The following CAMKK2 variants were observed in gnomAD, a reference collection of about 807,000 sequenced individuals.
The protein encoded by CAMKK2 is calcium/calmodulin dependent protein kinase kinase 2.
CAMKK2 carries 30 observed loss-of-function variants against 67.2 expected under a neutral mutation model. The observed-to-expected ratio is 0.45, with a 90% CI of 0.33 to 0.61. The LOEUF (loss-of-function observed/expected upper bound fraction) is 0.61. Among genes scored for constraint, CAMKK2 ranks in the 20% least tolerant of loss-of-function variants. CAMKK2 has a pLI of 0.02. For missense variants in CAMKK2, 643 were observed against 802.0 expected (o/e 0.80, Z 2.39); for synonymous variants, 322 against 326.2 (o/e 0.99, Z 0.14).
In CAMKK2 at chr12:121,245,140, G is replaced by A. The variant is rs150968495; in HGVS notation, c.1553C>T (p.Thr518Ile). The change falls in exon 15 of 17, where the codon ACC becomes ATC. Residue 518 changes from threonine to isoleucine, a missense_variant and splice_region_variant. By Grantham distance (89) the Thr-to-Ile change is moderately conservative. Around this residue, in one of 3 missense-constraint regions of CAMKK2, gnomAD observed 140 missense variants for 124.2 expected, o/e 1.13. Coordinates refer to ENST00000404169, the MANE Select transcript of CAMKK2 (RefSeq NM_001270485.2). This position sits in a 1 kb window ranked among gnomAD's most constrained non-coding sequence, Gnocchi z 5.8. ...RSLSAPGNLL[T>I]KKPTRECESL... ...CCCAAGAAGGCAGGCGGCCACTCACGTGAGCAAGTTTCCAGGCGCTGACAG... is the reference window on the plus strand; with the variant it reads ...CCCAAGAAGGCAGGCGGCCACTCACATGAGCAAGTTTCCAGGCGCTGACAG... 55 of 1,592,914 alleles carry A rather than the reference G, an allele frequency of 3.5e-5. No homozygotes were observed. The highest frequency in any genetic ancestry group is 9.1e-5 in the South Asian group (8 of 87,994).
intron 1 of CAMKK2, among the ~76,000 whole-genome samples, chr12:121,278,610 CA>C (rs1262773213): frequency 1.3e-5 from 2 of 152,212 alleles, no homozygotes; most frequent in Non-Finnish European, 2.9e-5. Context: ...ATGGTTTTAT[CA>C]GGGGGTTCCG....
chr12:121,245,183 G>A lies in CAMKK2; in HGVS notation c.1510C>T (p.Arg504Trp), dbSNP rs536416352. Residue 504 changes from arginine to tryptophan, a missense_variant, in exon 15 of 17, where the codon CGG becomes TGG. Arg to Trp is a moderately radical substitution (Grantham distance 101). Transcript: ENST00000404169. This position sits in a 1 kb window ranked among gnomAD's most constrained non-coding sequence, Gnocchi z 5.8. ...GCTGACAGTGAGCGTTCCTCCCGCC[G>A]GCTGCCCTCGAATGGGTTCCCAAAG... ...RSFGNPFEGSRREERSLSAPG... is the reference protein window; with the variant it reads ...RSFGNPFEGSWREERSLSAPG... The A allele has an allele frequency of 3.5e-5, 57 of 1,608,736 alleles. No individual in the cohort carries two copies. The Middle Eastern group carries it at 1.3e-3, about 37-fold the overall frequency.
intron 1 of CAMKK2, among the ~76,000 whole-genome samples, chr12:121,277,915 C>T (rs533463287): frequency 3.3e-5 from 5 of 152,130 alleles, no homozygotes; most frequent in African/African-American, 9.6e-5. Context: ...TGCAGTGAGG[C>T]GAGATTGCGC....
At chr12:121,268,054 T>C (rs548119342) in intron 5 of CAMKK2, among the ~76,000 whole-genome samples, 113 of 113,620 alleles carry the variant, frequency 9.9e-4, no homozygotes, top group African/African-American at 4.0e-3. Context: ...TTCATTACTT[T>C]TCATGGCTGA....
chr12:121,296,215 G>A lies in CAMKK2; in HGVS notation c.-60+423C>T, dbSNP rs1901160805. On this transcript the variant is annotated intron_variant, in intron 1 of 16. Transcript: ENST00000404169. This position sits in a 1 kb window ranked among gnomAD's most constrained non-coding sequence, Gnocchi z 7.1. Reference sequence around the variant, plus strand: ...GACAGGCAGGCTGCGGGGTGGGGGTGCTCCAAGTCCGCTGGTCCTCTCTTC... The same window carrying A: ...GACAGGCAGGCTGCGGGGTGGGGGTACTCCAAGTCCGCTGGTCCTCTCTTC... Among the ~76,000 whole-genome samples the A allele has an allele frequency of 1.3e-5, 2 of 152,022 alleles. No homozygotes were observed. The highest frequency in any genetic ancestry group is 4.2e-4 in the South Asian group (2 of 4,816).
intron 6 of CAMKK2, among the ~76,000 whole-genome samples, chr12:121,261,265 G>C (rs1893391527): frequency 6.6e-6 from 1 of 152,138 alleles, no homozygotes; most frequent in South Asian, 2.1e-4. Context: ...GGGTGAAAAG[G>C]CCAAATGCCA....
At chr12:121,268,286 G>A (rs1895051124) in intron 5 of CAMKK2, among the ~76,000 whole-genome samples, 1 of 151,894 alleles carries the variant, frequency 6.6e-6, no homozygotes, top group South Asian at 2.1e-4. Flanking sequence ...AAGTAGGAGT[G>A]AAATTACTGA....
intron 6 of CAMKK2, 24 bp from the exon 7 acceptor site, chr12:121,260,379 G>A: frequency 6.2e-7 from 1 of 1,609,088 alleles, no homozygotes; most frequent in Non-Finnish European, 8.5e-7. Flanking sequence ...CATGGAATAG[G>A]CAGGAGACGG....
Position 121,289,917 on chromosome 12 carries a change from GGC to G in CAMKK2, c.-60+6719_-60+6720del, listed in dbSNP as rs1341431559. Among the ~76,000 whole-genome samples the G allele has an allele frequency of 5.7e-3, 775 of 136,646 alleles. 10 individuals carry two copies. The highest frequency in any genetic ancestry group is 0.025 in the African/African-American group (735 of 29,516). 89.6% of individuals were successfully genotyped at this position (136,646 alleles called of 152,430 possible). On this transcript the variant is annotated intron_variant, in intron 1 of 16. Transcript: ENST00000404169. Reference sequence around the variant, plus strand: ...TTAAAAAAAAAAAAAAAAAAGGCGGGGCGGGGAGCCAAGGGAGGCCTAAGACC... The same window carrying G: ...TTAAAAAAAAAAAAAAAAAAGGCGGGGGGGAGCCAAGGGAGGCCTAAGACC...
At position 121,263,859 on chromosome 12, in the gene CAMKK2, C is replaced by T. The variant is rs1159933592; in HGVS notation, c.706G>A (p.Glu236Lys). 6.2e-7 allele frequency: 1 copy of T among 1,611,336 alleles called. No homozygotes were observed. Among genetic ancestry groups the T allele is most frequent in the South Asian group, 1.1e-5 (1 of 90,836 alleles). ...PRGPIEQVYQ[E>K]IAILKKLDHP... ...TCCAGCTTCTTGAGGATGGCAATTT[C>T]CTGGTACACCTGCTCAATGGGGCCC... is the stretch of plus-strand genomic sequence containing the variant. Residue 236 changes from glutamate (E) to lysine (K), a missense_variant, in exon 6 of 17, where the codon GAA (glutamate) becomes AAA (lysine). By Grantham distance (56) the Glu-to-Lys change is moderately conservative. Coordinates refer to ENST00000404169, the MANE Select transcript of CAMKK2 (RefSeq NM_001270485.2).
chr12:121,280,180 G>A (rs191433238), intron 1 of CAMKK2, among the ~76,000 whole-genome samples: 107 of 152,350 alleles, frequency 7.0e-4, no homozygotes, highest in African/African-American at 2.5e-3. Context: ...GAAGAACATG[G>A]ATTGTGAAGA....
chr12:121,245,981 C>T lies in CAMKK2; in HGVS notation c.1453-741G>A, dbSNP rs1889357907. 6.6e-6 allele frequency among the ~76,000 whole-genome samples: 1 copy of T among 152,106 alleles called. No individual in the cohort carries two copies. The highest frequency in any genetic ancestry group is 2.4e-5 in the African/African-American group (1 of 41,408). ...CACAAACGGACCCTGAAAACCTTCTCCTACGTCAAAGTAGCCAGGCCCGAA... is the reference window on the plus strand; with the variant it reads ...CACAAACGGACCCTGAAAACCTTCTTCTACGTCAAAGTAGCCAGGCCCGAA... On this transcript the variant is annotated intron_variant, in intron 14 of 16. Coordinates refer to ENST00000404169, the MANE Select transcript of CAMKK2 (RefSeq NM_001270485.2). The surrounding 1 kb of genome is among the most constrained non-coding windows in gnomAD (Gnocchi z 5.8).
At chr12:121,259,330 C>T (rs528692432) in intron 7 of CAMKK2, among the ~76,000 whole-genome samples, 20 of 152,152 alleles carry the variant, frequency 1.3e-4, no homozygotes, top group African/African-American at 4.6e-4. Context: ...TCAAAACCCA[C>T]GCATCACACT....
chr12:121,277,038 C>T (rs1212695654), intron 1 of CAMKK2, among the ~76,000 whole-genome samples: 3 of 152,132 alleles, frequency 2.0e-5, no homozygotes, highest in Non-Finnish European at 4.4e-5. Context: ...CAGCGGAAAG[C>T]CAGAGCTCCC....
intron 3 of CAMKK2, among the ~76,000 whole-genome samples, chr12:121,270,409 A>G (rs937139218): frequency 2.0e-5 from 3 of 152,080 alleles, no homozygotes; most frequent in Non-Finnish European, 4.4e-5. Context: ...TTTATTTTGA[A>G]AAAATGGAAA....
intron 1 of CAMKK2, among the ~76,000 whole-genome samples, chr12:121,292,266 C>T (rs1030604713): frequency 5.3e-5 from 8 of 151,630 alleles, no homozygotes; most frequent in African/African-American, 1.9e-4. Context: ...GCTGGGATTA[C>T]AGGCACAAGC....
At position 121,296,211 on chromosome 12, in the gene CAMKK2, G is replaced by C. The variant is rs1901157926; in HGVS notation, c.-60+427C>G. ...CCGAGACAGGCAGGCTGCGGGGTGG[G>C]GGTGCTCCAAGTCCGCTGGTCCTCT... On this transcript the variant is annotated intron_variant, in intron 1 of 16. Coordinates refer to ENST00000404169, the MANE Select transcript of CAMKK2 (RefSeq NM_001270485.2). The surrounding 1 kb of genome is among the most constrained non-coding windows in gnomAD (Gnocchi z 7.1). Among the ~76,000 whole-genome samples the C allele has an allele frequency of 6.6e-6, 1 of 152,074 alleles. No homozygotes were observed. Among genetic ancestry groups the C allele is most frequent in the African/African-American group, 2.4e-5 (1 of 41,406 alleles).
intron 1 of CAMKK2, among the ~76,000 whole-genome samples, chr12:121,278,324 C>T (rs1398188429): frequency 1.3e-5 from 2 of 152,208 alleles, no homozygotes; most frequent in Non-Finnish European, 2.9e-5. Context: ...AGGTCATTGA[C>T]ATCCTGTAAA....
Position 121,253,808 on chromosome 12 carries a change from G to C in CAMKK2, c.908-336C>G, listed in dbSNP as rs1235389338. ...GCATGGAAAGTTTTTGCTGGGCTTGGCTCACAGCTAGTTGTGAAACTGACA... is the reference window on the plus strand; with the variant it reads ...GCATGGAAAGTTTTTGCTGGGCTTGCCTCACAGCTAGTTGTGAAACTGACA... On this transcript the variant is annotated intron_variant, in intron 9 of 16. Transcript: ENST00000404169. The surrounding 1 kb of genome is among the most constrained non-coding windows in gnomAD (Gnocchi z 5.0). 1.3e-5 allele frequency among the ~76,000 whole-genome samples: 2 copies of C among 152,184 alleles called. No individual in the cohort carries two copies. Among genetic ancestry groups the C allele is most frequent in the Non-Finnish European group, 2.9e-5 (2 of 68,040 alleles).
Sources: allele counts gnomAD v4.1 joint callset (sites outside exome capture counted in the v4.1 genomes callset), GRCh38; gene constraint gnomAD v4.1.1; regional missense constraint gnomAD v4.1.1; non-coding constraint Gnocchi (gnomAD v3.1); transcripts MANE v1.5; gene names NCBI Gene and HGNC (gene_info 2026-07-23, HGNC 2026-07-21).